DPYD: variants seen among roughly 807,000 people sequenced by gnomAD.
DPYD encodes the protein dihydropyrimidine dehydrogenase.
In DPYD, 109 loss-of-function variants were observed where a neutral mutation model predicts 116.2. The ratio of observed to expected loss-of-function variants is 0.94; its 90% CI spans 0.80 to 1.10. DPYD has a LOEUF of 1.10. Among genes scored for constraint, DPYD ranks in the 50% least tolerant of loss-of-function variants. The pLI, the probability that DPYD is intolerant of heterozygous loss-of-function variation, is 0.00. For missense variants in DPYD, 1,302 were observed against 1,254.5 expected (o/e 1.04, Z -0.57); for synonymous variants, 440 against 432.0 (o/e 1.02, Z -0.23).
intron 20 of DPYD, among the ~76,000 whole-genome samples, chr1:97,185,448 C>A (rs1447592927): frequency 6.6e-6 from 1 of 152,068 alleles, no homozygotes; most frequent in Non-Finnish European, 1.5e-5. Flanking sequence ...CTTATGCATC[C>A]ACCTTATGAC....
At chr1:97,608,350 A>C (rs1655732021) in intron 8 of DPYD, among the ~76,000 whole-genome samples, 1 of 151,994 alleles carries the variant, frequency 6.6e-6, no homozygotes, top group South Asian at 2.1e-4. Context: ...AAATACATCA[A>C]AACTAAAGCC....
chr1:97,571,746 A>G (rs1229152365), intron 11 of DPYD, among the ~76,000 whole-genome samples: 1 of 151,932 alleles, frequency 6.6e-6, no homozygotes, highest in African/African-American at 2.4e-5. Flanking sequence ...TTCCAATAAA[A>G]TGCTTTTCAT....
chr1:97,328,556 A>G (rs1668822907), intron 16 of DPYD, among the ~76,000 whole-genome samples: 1 of 152,164 alleles, frequency 6.6e-6, no homozygotes, highest in South Asian at 2.1e-4. Context: ...GATTTTACTC[A>G]GATTTTTGCT....
intron 2 of DPYD, among the ~76,000 whole-genome samples, chr1:97,880,125 G>A (rs961276835): frequency 8.6e-5 from 13 of 151,706 alleles, no homozygotes; most frequent in Non-Finnish European, 1.0e-4. Context: ...TCTAAAGATA[G>A]TATTAAAAGT....
At chr1:97,198,743 G>A (rs1658993901) in intron 19 of DPYD, among the ~76,000 whole-genome samples, 1 of 152,068 alleles carries the variant, frequency 6.6e-6, no homozygotes, top group Admixed American at 6.6e-5. Context: ...TATGGTGAAG[G>A]CTGGTTTATC....
intron 13 of DPYD, among the ~76,000 whole-genome samples, chr1:97,479,031 T>G (rs2101875222): frequency 6.6e-6 from 1 of 152,340 alleles, no homozygotes; most frequent in South Asian, 2.1e-4. Context: ...AGCCTTTGAC[T>G]TAAGAGAGTG....
intron 2 of DPYD, among the ~76,000 whole-genome samples, chr1:97,846,081 G>A (rs1670287653): frequency 6.6e-6 from 1 of 152,186 alleles, no homozygotes; most frequent in Admixed American, 6.5e-5. Flanking sequence ...TGCGAGCCGA[G>A]AACAGCCTGC....
intron 18 of DPYD, among the ~76,000 whole-genome samples, chr1:97,287,676 T>C (rs895081208): frequency 2.0e-5 from 3 of 152,102 alleles, no homozygotes; most frequent in African/African-American, 7.2e-5. Context: ...TGCAGTTTGA[T>C]CTCAGACTGC....
chr1:97,213,321 A>G (rs554250876), intron 19 of DPYD, among the ~76,000 whole-genome samples: 1 of 152,306 alleles, frequency 6.6e-6, no homozygotes, highest in East Asian at 1.9e-4. Context: ...GGTGTGTCTC[A>G]TAGTAAATTT....
intron 20 of DPYD, among the ~76,000 whole-genome samples, chr1:97,176,840 G>A (rs940100861): frequency 7.0e-6 from 1 of 142,708 alleles, no homozygotes; most frequent in African/African-American, 2.5e-5. Flanking sequence ...ATGGAACAAG[G>A]GAATACCAGT....
intron 20 of DPYD, among the ~76,000 whole-genome samples, chr1:97,177,149 G>A (rs529852166): frequency 3.9e-5 from 6 of 152,202 alleles, no homozygotes; most frequent in African/African-American, 1.4e-4. Flanking sequence ...CACACAGTCT[G>A]TGATCCTTTT....
intron 18 of DPYD, among the ~76,000 whole-genome samples, chr1:97,275,088 G>C (rs965671270): frequency 1.2e-4 from 19 of 152,106 alleles, no homozygotes; most frequent in Non-Finnish European, 2.6e-4. Flanking sequence ...GAGCAACCTT[G>C]GCATTAGGTA....
At chr1:97,734,450 G>T (rs1477610703) in intron 4 of DPYD, among the ~76,000 whole-genome samples, 1 of 152,000 alleles carries the variant, frequency 6.6e-6, no homozygotes, top group African/African-American at 2.4e-5. Context: ...ATCAGTATCT[G>T]ATATAATAAA....
chr1:97,839,786 G>A (rs1476345474), intron 2 of DPYD, among the ~76,000 whole-genome samples: 2 of 152,006 alleles, frequency 1.3e-5, no homozygotes, highest in Non-Finnish European at 2.9e-5. Context: ...TTCACCACAA[G>A]TTTGTAGTAA....
intron 5 of DPYD, chr1:97,720,336 C>T (rs1662852847): frequency 1.3e-5 from 13 of 985,490 alleles, no homozygotes; most frequent in Non-Finnish European, 1.6e-5. Context: ...AATGAAGAGG[C>T]AATGGGTCCC....
chr1:97,147,810 C>T (rs1428586200), intron 20 of DPYD, among the ~76,000 whole-genome samples: 2 of 152,108 alleles, frequency 1.3e-5, no homozygotes, highest in East Asian at 3.9e-4. Context: ...GATTGTGGAG[C>T]GAGTAATAGC....
intron 14 of DPYD, among the ~76,000 whole-genome samples, chr1:97,403,433 G>T (rs1055013369): frequency 6.6e-6 from 1 of 152,008 alleles, no homozygotes; most frequent in Non-Finnish European, 1.5e-5. Context: ...ATTAAATAGT[G>T]AACCCATCTG....
At chr1:97,800,641 A>C (rs1183427740) in intron 3 of DPYD, among the ~76,000 whole-genome samples, 4 of 151,854 alleles carry the variant, frequency 2.6e-5, no homozygotes, top group Non-Finnish European at 5.9e-5. Flanking sequence ...GTGACAAAAC[A>C]AAGTTTTCAA....
intron 12 of DPYD, chr1:97,546,211 G>C: frequency 6.5e-7 from 1 of 1,536,408 alleles, no homozygotes; most frequent in Non-Finnish European, 9.0e-7. Flanking sequence ...AGGACAAAAC[G>C]AGGATGGCAA....
Sources: allele counts gnomAD v4.1 joint callset (sites outside exome capture counted in the v4.1 genomes callset), GRCh38; gene constraint gnomAD v4.1.1; transcripts MANE v1.5; gene names NCBI Gene and HGNC (gene_info 2026-07-23, HGNC 2026-07-21).